RNF144B: variants seen among roughly 807,000 people sequenced by gnomAD.
The protein encoded by RNF144B is ring finger protein 144B.
RNF144B carries 25 observed loss-of-function variants against 40.2 expected under a neutral mutation model. The ratio of observed to expected loss-of-function variants is 0.62; its 90% CI spans 0.45 to 0.87. RNF144B has a LOEUF of 0.87. RNF144B is among the 40% of genes least tolerant of loss of function. The pLI, the probability that RNF144B is intolerant of heterozygous loss-of-function variation, is 0.00. For missense variants in RNF144B, 365 were observed against 373.7 expected (o/e 0.98, Z 0.19); for synonymous variants, 145 against 136.3 (o/e 1.06, Z -0.44).
rs780126293 is a variant in RNF144B at position 18,402,034 on chromosome 6, T to G, written c.165+2335T>G. 3 of 88,754 alleles carry G rather than the reference T, an allele frequency of 3.4e-5. 1 individual carries two copies. Among genetic ancestry groups the G allele is most frequent in the Non-Finnish European group, 8.0e-5 (3 of 37,598 alleles). The allele number at this position is 88,754 out of a possible 1,614,324, so 5.5% of individuals were successfully genotyped here. ...GACTGGGAGAAGCCAATCATCATGCTTATGAACTACAAGAGGATCTATACT... is the reference window on the plus strand; with the variant it reads ...GACTGGGAGAAGCCAATCATCATGCGTATGAACTACAAGAGGATCTATACT... On this transcript the variant is annotated intron_variant, in intron 2 of 7. Coordinates refer to ENST00000259939, the MANE Select transcript of RNF144B (RefSeq NM_182757.4).
At chr6:18,461,854 G>A (rs16880755) in intron 6 of RNF144B, among the ~76,000 whole-genome samples, 4,649 of 152,188 alleles carry the variant, frequency 0.031, 156 homozygotes, top group South Asian at 0.16. Flanking sequence ...TAAAATCCAG[G>A]CCTGAGACGG....
Position 18,400,990 on chromosome 6 carries a change from T to G in RNF144B, c.165+1291T>G, listed in dbSNP as rs1393300091. ...AACTTCAGTTTCCTTTGGTCTTGCT[T>G]TGTTTCTGAAGGCTGTCCTTCAAAA... On this transcript the variant is annotated intron_variant, in intron 2 of 7. Transcript: ENST00000259939. The surrounding 1 kb of genome is among the most constrained non-coding windows in gnomAD (Gnocchi z 5.6). Among the ~76,000 whole-genome samples the G allele has an allele frequency of 6.6e-6, 1 of 152,236 alleles. No homozygotes were observed. Among genetic ancestry groups the G allele is most frequent in the Non-Finnish European group, 1.5e-5 (1 of 68,038 alleles).
chr6:18,442,085 C>T lies in RNF144B; in HGVS notation c.331+2341C>T, dbSNP rs1476973527. ...CTTGAAGTTAATTGGCAACATCCAT[C>T]GTTATGTGGGGCAAGGTAGATGTGG... On this transcript the variant is annotated intron_variant, in intron 4 of 7. Transcript: ENST00000259939. The surrounding 1 kb of genome is among the most constrained non-coding windows in gnomAD (Gnocchi z 4.3). 6.6e-6 allele frequency among the ~76,000 whole-genome samples: 1 copy of T among 152,120 alleles called. No homozygotes were observed. Among genetic ancestry groups the T allele is most frequent in the Admixed American group, 6.5e-5 (1 of 15,278 alleles).
Position 18,442,651 on chromosome 6 carries a change from C to A in RNF144B, c.331+2907C>A, listed in dbSNP as rs903491303. On this transcript the variant is annotated intron_variant, in intron 4 of 7. Transcript: ENST00000259939. The surrounding 1 kb of genome is among the most constrained non-coding windows in gnomAD (Gnocchi z 4.3). The stretch of plus-strand genomic sequence containing the variant: ...AGTTGTGCAGCCATCACCACTGCTT[C>A]TAAAGCTCTTTCATGATCCCAAATT... Among the ~76,000 whole-genome samples, 4 of 152,214 alleles carry A rather than the reference C, an allele frequency of 2.6e-5. No individual in the cohort carries two copies. The highest frequency in any genetic ancestry group is 9.7e-5 in the African/African-American group (4 of 41,450).
intron 2 of RNF144B, among the ~76,000 whole-genome samples, chr6:18,411,482 TATATATA>T (rs1420359285): frequency 0.019 from 736 of 37,902 alleles, 21 homozygotes; most frequent in Non-Finnish European, 0.031. Context: ...TATATATATA[TATATATA>T]TATATATATT....
chr6:18,420,345 G>A (rs981743553), intron 2 of RNF144B, among the ~76,000 whole-genome samples: 1 of 152,088 alleles, frequency 6.6e-6, no homozygotes, highest in African/African-American at 2.4e-5. Context: ...ACCAGTAAGT[G>A]CTGGATTCAG....
chr6:18,427,759 T>G, intron 3 of RNF144B, 74 bp downstream of exon 3: 1 of 1,003,028 alleles, frequency 1.0e-6, no homozygotes. Context: ...CTTTATGTAT[T>G]TCCCTACCAG....
chr6:18,431,594 C>T (rs1288572601), intron 3 of RNF144B, among the ~76,000 whole-genome samples: 1 of 152,188 alleles, frequency 6.6e-6, no homozygotes, highest in East Asian at 1.9e-4. Context: ...TTCCTTCTGC[C>T]TTTTAAAAAA....
In RNF144B at chr6:18,406,150, C is replaced by G; in HGVS notation, c.165+6451C>G. 1.9e-6 allele frequency: 1 copy of G among 518,882 alleles called. No homozygotes were observed. The highest frequency in any genetic ancestry group is 3.8e-6 in the Non-Finnish European group (1 of 259,850). 32.1% of individuals were successfully genotyped at this position (518,882 alleles called of 1,614,324 possible). ...AAGCCCTGGTTTTCAAATAACTCAA[C>G]TTTTCGTATGAGACATAGATGCTAA... On this transcript the variant is annotated intron_variant, in intron 2 of 7. Coordinates refer to ENST00000259939, the MANE Select transcript of RNF144B (RefSeq NM_182757.4). This position sits in a 1 kb window ranked among gnomAD's most constrained non-coding sequence, Gnocchi z 4.2.
At chr6:18,429,217 G>A (rs1166832022) in intron 3 of RNF144B, among the ~76,000 whole-genome samples, 1 of 151,932 alleles carries the variant, frequency 6.6e-6, no homozygotes, top group African/African-American at 2.4e-5. Context: ...ATGGGAATGG[G>A]GGCATAGAAC....
Position 18,410,111 on chromosome 6 carries a change from C to A in RNF144B, c.165+10412C>A, listed in dbSNP as rs554186084. Among the ~76,000 whole-genome samples, 4 of 152,300 alleles carry A rather than the reference C, an allele frequency of 2.6e-5. No individual in the cohort carries two copies. Among genetic ancestry groups the A allele is most frequent in the Admixed American group, 2.0e-4 (3 of 15,308 alleles). On this transcript the variant is annotated intron_variant, in intron 2 of 7. Coordinates refer to ENST00000259939, the MANE Select transcript of RNF144B (RefSeq NM_182757.4). The surrounding 1 kb of genome is among the most constrained non-coding windows in gnomAD (Gnocchi z 4.6). The stretch of plus-strand genomic sequence containing the variant: ...GAATGTAATAGGCTGGCCAAACATG[C>A]AAATCATGACCAGAGAGCAGGCAAA...
At position 18,457,481 on chromosome 6, in the gene RNF144B, C is replaced by A; in HGVS notation, c.536+122C>A. Reference sequence around the variant, plus strand: ...AGAGATTGGTTATTTTCCTGCAGAACTTCCCTGAGAAGTGTCTCAGAATTG... The same window carrying A: ...AGAGATTGGTTATTTTCCTGCAGAAATTCCCTGAGAAGTGTCTCAGAATTG... On this transcript the variant is annotated intron_variant, in intron 5 of 7. Coordinates refer to ENST00000259939, the MANE Select transcript of RNF144B (RefSeq NM_182757.4). The surrounding 1 kb of genome is among the most constrained non-coding windows in gnomAD (Gnocchi z 5.1). 1.3e-6 allele frequency: 1 copy of A among 773,582 alleles called. No homozygotes were observed. Among genetic ancestry groups the A allele is most frequent in the South Asian group, 1.6e-5 (1 of 63,668 alleles). The allele number at this position is 773,582 out of a possible 1,614,324, so 47.9% of individuals were successfully genotyped here. A position where few individuals can be genotyped will look rare whatever the true frequency, so the allele number is the denominator to read the frequency against.
intron 2 of RNF144B, among the ~76,000 whole-genome samples, chr6:18,409,880 T>C (rs773171224): frequency 6.6e-6 from 1 of 152,148 alleles, no homozygotes; most frequent in Non-Finnish European, 1.5e-5. Context: ...CTACATAACA[T>C]TTTTTACTTC....
rs559428866 is a variant in RNF144B, at chr6:18,406,837, C to T, written c.165+7138C>T. Among the ~76,000 whole-genome samples, 1 of 152,164 alleles carries T rather than the reference C, an allele frequency of 6.6e-6. No homozygotes were observed. The highest frequency in any genetic ancestry group is 6.5e-5 in the Admixed American group (1 of 15,280). On this transcript the variant is annotated intron_variant, in intron 2 of 7. Transcript: ENST00000259939. This position sits in a 1 kb window ranked among gnomAD's most constrained non-coding sequence, Gnocchi z 4.2. ...GTTTTCACACTGCTATAAAGAATAC[C>T]TGAGATCTATAAAGGAAGGAGGTTT...
intron 2 of RNF144B, 24 bp downstream of exon 2, chr6:18,399,723 C>G (rs1278420711): frequency 6.4e-7 from 1 of 1,574,764 alleles, no homozygotes; most frequent in African/African-American, 1.4e-5. Flanking sequence ...GATGCTTTCA[C>G]TATGAGAAAA....
At chr6:18,399,058 C>T (rs1794745268) in intron 1 of RNF144B, among the ~76,000 whole-genome samples, 2 of 152,292 alleles carry the variant, frequency 1.3e-5, no homozygotes, top group South Asian at 4.2e-4. Context: ...TGAACATCAT[C>T]ACTTCACATT....
intron 2 of RNF144B, among the ~76,000 whole-genome samples, chr6:18,408,798 T>C (rs1234030601): frequency 2.0e-5 from 3 of 152,126 alleles, no homozygotes; most frequent in Non-Finnish European, 4.4e-5. Flanking sequence ...GGCATGACTT[T>C]GGTGAGAGTA....
Position 18,448,199 on chromosome 6 carries a change from G to A in RNF144B, c.331+8455G>A, listed in dbSNP as rs528645459. 6.6e-6 allele frequency among the ~76,000 whole-genome samples: 1 copy of A among 152,216 alleles called. No individual in the cohort carries two copies. Among genetic ancestry groups the A allele is most frequent in the Non-Finnish European group, 1.5e-5 (1 of 68,010 alleles). On this transcript the variant is annotated intron_variant, in intron 4 of 7. Transcript: ENST00000259939. This position sits in a 1 kb window ranked among gnomAD's most constrained non-coding sequence, Gnocchi z 4.0. ...AGGAACTTATGATCCAGCAGAAAGGGATGATACAGGAGAGGGAGGGGGGAG... is the reference window on the plus strand; with the variant it reads ...AGGAACTTATGATCCAGCAGAAAGGAATGATACAGGAGAGGGAGGGGGGAG...
chr6:18,457,020 C>A lies in RNF144B; in HGVS notation c.332-135C>A. On this transcript the variant is annotated intron_variant, in intron 4 of 7. Coordinates refer to ENST00000259939, the MANE Select transcript of RNF144B (RefSeq NM_182757.4). This position sits in a 1 kb window ranked among gnomAD's most constrained non-coding sequence, Gnocchi z 5.1. ...AGGTTGCAGTGAGCTGAAATCATGC[C>A]ACTGTACTCCAGCCTGGGCGACAGA... is the stretch of plus-strand genomic sequence containing the variant. 1.3e-6 allele frequency: 1 copy of A among 755,092 alleles called. No individual in the cohort carries two copies. The highest frequency in any genetic ancestry group is 2.3e-6 in the Non-Finnish European group (1 of 428,332). 46.8% of individuals were successfully genotyped at this position (755,092 alleles called of 1,614,324 possible). A position where few individuals can be genotyped will look rare whatever the true frequency, so the allele number is the denominator to read the frequency against.
Sources: gnomAD v4.1 joint callset for allele counts (sites outside exome capture counted in the v4.1 genomes callset) on GRCh38, gnomAD v4.1.1 for gene constraint, Gnocchi (gnomAD v3.1) non-coding constraint, MANE v1.5 for transcripts, NCBI Gene and HGNC (gene_info 2026-07-23, HGNC 2026-07-21) for gene names.